MYCBP2: variants seen among roughly 807,000 people sequenced by gnomAD.
MYCBP2 encodes the protein E3 ubiquitin-protein ligase MYCBP2.
A neutral mutation model predicts 525.3 loss-of-function variants in MYCBP2; 120 were observed. The observed-to-expected ratio is 0.23, with a 90% confidence interval of 0.20 to 0.27. The LOEUF (loss-of-function observed/expected upper bound fraction) is 0.27, where lower values mean the gene tolerates loss of function less well. Ranked by LOEUF, MYCBP2 falls within the 10% of genes least tolerant of loss-of-function variation. MYCBP2 has a pLI of 1.00. For synonymous variants in MYCBP2, 1,894 were observed against 1,955.8 expected, an observed-to-expected ratio of 0.97 and a Z score of 0.83; for missense variants, 4,149 against 5,657.1, an observed-to-expected ratio of 0.73 and a Z score of 8.55.
intron 49 of MYCBP2, among the ~76,000 whole-genome samples, chr13:77,143,622 T>A (rs1005688063): frequency 1.3e-5 from 2 of 152,196 alleles, no homozygotes; most frequent in Non-Finnish European, 1.5e-5. Flanking sequence ...CGAGCCAATT[T>A]CCCTAATAAA....
intron 52 of MYCBP2, among the ~76,000 whole-genome samples, chr13:77,130,717 G>A (rs2052623538): frequency 6.6e-6 from 1 of 152,058 alleles, no homozygotes; most frequent in African/African-American, 2.4e-5. Context: ...TAGAGTACTT[G>A]GTCAATGGGT....
intron 3 of MYCBP2, among the ~76,000 whole-genome samples, chr13:77,279,401 G>A (rs1329557459): frequency 1.3e-5 from 2 of 152,076 alleles, no homozygotes; most frequent in Admixed American, 1.3e-4. Flanking sequence ...CTCATCAGGT[G>A]CAAGAAAAAT....
At chr13:77,297,452 A>G (rs2154367214) in intron 1 of MYCBP2, among the ~76,000 whole-genome samples, 1 of 152,302 alleles carries the variant, frequency 6.6e-6, no homozygotes, top group Non-Finnish European at 1.5e-5. Flanking sequence ...TAAAGAAAAA[A>G]GGATGAAGTC....
chr13:77,123,316 T>C (rs777712078), intron 54 of MYCBP2, among the ~76,000 whole-genome samples: 8 of 152,222 alleles, frequency 5.3e-5, no homozygotes. Flanking sequence ...TCTGTATCTA[T>C]ACATCAAGAG....
At chr13:77,155,824 G>A (rs1276036665) in intron 46 of MYCBP2, among the ~76,000 whole-genome samples, 1 of 152,072 alleles carries the variant, frequency 6.6e-6, no homozygotes, top group Non-Finnish European at 1.5e-5. Flanking sequence ...TCCCTCCTTT[G>A]AGTCCCCGTA....
At chr13:77,094,819 C>T (rs1377965583) in intron 58 of MYCBP2, among the ~76,000 whole-genome samples, 1 of 152,108 alleles carries the variant, frequency 6.6e-6, no homozygotes, top group East Asian at 1.9e-4. Flanking sequence ...CAGCATCTTA[C>T]ATACATACTT....
intron 23 of MYCBP2, among the ~76,000 whole-genome samples, chr13:77,209,192 C>T (rs2063691845): frequency 1.3e-5 from 2 of 152,136 alleles, no homozygotes; most frequent in Non-Finnish European, 2.9e-5. Flanking sequence ...ATCATCTGTC[C>T]CATTGCTACT....
At chr13:77,289,204 A>C (rs1215581484) in intron 2 of MYCBP2, among the ~76,000 whole-genome samples, 3 of 152,154 alleles carry the variant, frequency 2.0e-5, no homozygotes, top group African/African-American at 4.8e-5. Context: ...AATTGGAAAA[A>C]AAAAATACAC....
At chr13:77,158,969 T>C (rs1307535647) in intron 44 of MYCBP2, among the ~76,000 whole-genome samples, 1 of 152,264 alleles carries the variant, frequency 6.6e-6, no homozygotes, top group South Asian at 2.1e-4. Flanking sequence ...GCAAGTCTTA[T>C]GTTTTTGGAG....
At chr13:77,264,764 T>G (rs1006259637) in intron 8 of MYCBP2, among the ~76,000 whole-genome samples, 1 of 152,060 alleles carries the variant, frequency 6.6e-6, no homozygotes, top group South Asian at 2.1e-4. Context: ...CAGGAACACG[T>G]GTTAGTGATT....
intron 44 of MYCBP2, among the ~76,000 whole-genome samples, chr13:77,159,842 A>G (rs1464504386): frequency 6.6e-6 from 1 of 151,770 alleles, no homozygotes; most frequent in African/African-American, 2.4e-5. Context: ...ACTAATAGAA[A>G]CTCTTTGATA....
At chr13:77,146,496 T>C (rs2055584582) in intron 47 of MYCBP2, among the ~76,000 whole-genome samples, 1 of 150,766 alleles carries the variant, frequency 6.6e-6, no homozygotes, top group African/African-American at 2.4e-5. Flanking sequence ...CCAAAACAAA[T>C]ACTATACAGA....
Position 77,185,134 on chromosome 13 carries a change from C to G in MYCBP2, c.4688G>C (p.Cys1563Ser). The change falls in exon 32 of 83, where the codon TGC becomes TCC. Residue 1563 changes from cysteine to serine, a missense_variant. Coordinates refer to ENST00000544440, the MANE Select transcript of MYCBP2 (RefSeq NM_015057.5). ...CAAACAATTCAGCAGATCACAAAGGCAAGCCCACTGTAAGGCAGGAGTTGG... is the reference window on the plus strand; with the variant it reads ...CAAACAATTCAGCAGATCACAAAGGGAAGCCCACTGTAAGGCAGGAGTTGG... ...FYPTPALQWA[C>S]LCDLLNCLDQ... 1 of 1,614,030 alleles carries G rather than the reference C, an allele frequency of 6.2e-7. No individual in the cohort carries two copies. Among genetic ancestry groups the G allele is most frequent in the Non-Finnish European group, 8.5e-7 (1 of 1,179,966 alleles).
intron 17 of MYCBP2, among the ~76,000 whole-genome samples, chr13:77,238,242 C>CAAAAA (rs772175406): frequency 6.4e-4 from 18 of 28,244 alleles, no homozygotes; most frequent in East Asian, 2.2e-3. Context: ...GACTCCGTCT[C>CAAAAA]AAAAAAAAAA....
At chr13:77,214,909 G>A (rs1439351894) in intron 21 of MYCBP2, among the ~76,000 whole-genome samples, 2 of 152,080 alleles carry the variant, frequency 1.3e-5, no homozygotes, top group Non-Finnish European at 2.9e-5. Flanking sequence ...CCAAAATACT[G>A]TTATACAGTG....
Position 77,093,297 on chromosome 13 carries a change from T to A in MYCBP2, c.10235A>T (p.Asp3412Val). 1.2e-6 allele frequency: 2 copies of A among 1,613,428 alleles called. No homozygotes were observed. The highest frequency in any genetic ancestry group is 1.7e-6 in the Non-Finnish European group (2 of 1,179,572). ...HHENFVGYQD[D>V]NLFQDEMRYL... ...TCTCATTTCATCCTGGAATAGATTG[T>A]CATCTTGATAGCCCACAAAATTTTC... The change falls in exon 59 of 83, where the codon GAC becomes GTC. Residue 3412 changes from aspartate (D) to valine (V), a missense_variant. Asp to Val is a radical substitution (Grantham distance 152). This residue lies in a region of MYCBP2 where 509 missense variants were observed against 789.4 expected (regional missense o/e 0.64). Transcript: ENST00000544440.
intron 34 of MYCBP2, among the ~76,000 whole-genome samples, chr13:77,179,663 T>C (rs1477119732): frequency 6.6e-6 from 1 of 152,220 alleles, no homozygotes; most frequent in Non-Finnish European, 1.5e-5. Context: ...AAACCTGTGA[T>C]AGAGGTGAAA....
chr13:77,084,857 C>A (rs1444547059), intron 62 of MYCBP2, among the ~76,000 whole-genome samples: 1 of 151,928 alleles, frequency 6.6e-6, no homozygotes, highest in Non-Finnish European at 1.5e-5. Context: ...CAGCTCTGTA[C>A]CACTAGTGCC....
rs1365863331 is a variant in MYCBP2 at position 77,098,972 on chromosome 13, T to C, written c.8182A>G (p.Thr2728Ala). Reference protein sequence around the residue: ...NISTSSKPASTSGKSELSSKH... With the variant: ...NISTSSKPASASGKSELSSKH... ...GAGGACAGCTCTGATTTTCCTGATG[T>C]AGAGGCTGGTTTAGAAGATGTTGAG... Residue 2728 changes from threonine to alanine, a missense_variant, in exon 56 of 83, where the codon ACA (threonine) becomes GCA (alanine). Around this residue, in one of 21 missense-constraint regions of MYCBP2, gnomAD observed 653 missense variants for 744.7 expected, o/e 0.88. Transcript: ENST00000544440. The C allele has an allele frequency of 1.2e-6, 2 of 1,611,460 alleles. No homozygotes were observed. Among genetic ancestry groups the C allele is most frequent in the East Asian group, 2.2e-5 (1 of 44,868 alleles).
Sources: gnomAD v4.1 joint callset for allele counts (sites outside exome capture counted in the v4.1 genomes callset) on GRCh38, gnomAD v4.1.1 for gene constraint, gnomAD v4.1.1 regional missense constraint, MANE v1.5 for transcripts, NCBI Gene and HGNC (gene_info 2026-07-23, HGNC 2026-07-21) for gene names.